Variants in BLTP3B observed in about 807,000 individuals in gnomAD.
The protein encoded by BLTP3B is bridge-like lipid transfer protein family member 3B, also known as UHRF1 (ICBP90) binding protein 1-like.
the BLTP3B span, chr12:100,084,378 TCACACACACACACACA>T: frequency 0.016 from 10,840 of 664,174 alleles, 317 homozygotes; most frequent in African/African-American, 0.11. Flanking sequence ...AATACTATGA[TCACACACACACACACA>T]CACACACACA....
At chr12:100,047,438 G>A in the BLTP3B span, 1 of 899,668 alleles carries the variant, frequency 1.1e-6, no homozygotes. Context: ...GCAGAGGTTT[G>A]CAGTAGGCTG....
At chr12:100,042,132 T>G in the BLTP3B span, among the ~76,000 whole-genome samples, 1 of 152,118 alleles carries the variant, frequency 6.6e-6, no homozygotes, top group East Asian at 1.9e-4. Flanking sequence ...TGGAAAAAAT[T>G]CCCACTGTTC....
the BLTP3B span, chr12:100,093,021 T>A: frequency 1.1e-6 from 1 of 931,430 alleles, no homozygotes; most frequent in Non-Finnish European, 1.3e-6. Flanking sequence ...ACTTAAAAAC[T>A]TCCACTGGCT....
the BLTP3B span, chr12:100,058,096 CAG>C: frequency 3.1e-6 from 5 of 1,609,506 alleles, no homozygotes; most frequent in South Asian, 1.1e-5. Context: ...TCCAGGTTTT[CAG>C]AGAGTGAAGC....
At chr12:100,113,477 T>C in the BLTP3B span, among the ~76,000 whole-genome samples, 24 of 152,010 alleles carry the variant, frequency 1.6e-4, no homozygotes, top group Non-Finnish European at 2.8e-4. Flanking sequence ...AAAAATCTCA[T>C]CTCAACAAGA....
chr12:100,057,955 A>G, the BLTP3B span: 10 of 1,487,294 alleles, frequency 6.7e-6, no homozygotes, highest in Non-Finnish European at 9.0e-6. Flanking sequence ...CTGCCTCAAA[A>G]CAAAATACAC....
chr12:100,058,677 G>A, the BLTP3B span: 2 of 1,613,898 alleles, frequency 1.2e-6, no homozygotes, highest in South Asian at 1.1e-5. Flanking sequence ...AGCCAGTTCT[G>A]CACTTCTAAG....
the BLTP3B span, among the ~76,000 whole-genome samples, chr12:100,068,084 C>T: frequency 6.6e-6 from 1 of 152,118 alleles, no homozygotes; most frequent in Admixed American, 6.6e-5. Flanking sequence ...CATCATATTA[C>T]CTGATTTCAA....
chr12:100,072,218 T>G, the BLTP3B span, among the ~76,000 whole-genome samples: 1 of 151,788 alleles, frequency 6.6e-6, no homozygotes, highest in Admixed American at 6.6e-5. Flanking sequence ...GCCGAGATCG[T>G]GCCACTGCAC....
chr12:100,080,129 C>T, the BLTP3B span, among the ~76,000 whole-genome samples: 2 of 152,166 alleles, frequency 1.3e-5, no homozygotes, highest in Non-Finnish European at 2.9e-5. Flanking sequence ...GGGTCAAAGC[C>T]CCCACACAAA....
chr12:100,055,577 T>G, the BLTP3B span, among the ~76,000 whole-genome samples: 15 of 149,112 alleles, frequency 1.0e-4, no homozygotes, highest in Non-Finnish European at 1.8e-4. Flanking sequence ...CTCGGGAGGC[T>G]GAGGCAGGAT....
At chr12:100,142,158 G>A in the BLTP3B span, among the ~76,000 whole-genome samples, 1 of 152,192 alleles carries the variant, frequency 6.6e-6, no homozygotes, top group African/African-American at 2.4e-5. Flanking sequence ...TGCGCCAGAA[G>A]CCCTCGGTTA....
At chr12:100,059,139 C>G in the BLTP3B span, 1 of 1,614,114 alleles carries the variant, frequency 6.2e-7, no homozygotes. Flanking sequence ...TATTGGCCGT[C>G]CTTTTCCACT....
the BLTP3B span, chr12:100,039,535 A>G: frequency 1.4e-6 from 2 of 1,420,282 alleles, no homozygotes; most frequent in African/African-American, 1.4e-5. Context: ...TTTAACTATT[A>G]GTATCTTAAT....
chr12:100,093,823 G>A, the BLTP3B span, among the ~76,000 whole-genome samples: 1 of 152,030 alleles, frequency 6.6e-6, no homozygotes, highest in Non-Finnish European at 1.5e-5. Flanking sequence ...TCCTAAAAAC[G>A]CTACTCTAGT....
At chr12:100,037,115 C>G in the BLTP3B span, 1 of 899,858 alleles carries the variant, frequency 1.1e-6, no homozygotes. Context: ...TCTGCTTGGA[C>G]TTTTTACAAT....
the BLTP3B span, among the ~76,000 whole-genome samples, chr12:100,112,784 C>T: frequency 1.4e-5 from 2 of 147,672 alleles, no homozygotes; most frequent in South Asian, 4.3e-4. Flanking sequence ...TGCCTGAACC[C>T]GGGAGGCGGA....
chr12:100,142,518 C>G, the BLTP3B span: 2 of 1,534,110 alleles, frequency 1.3e-6, no homozygotes, highest in Non-Finnish European at 1.8e-6. Flanking sequence ...GCCGCCGCCC[C>G]CGAAGCCGCA....
chr12:100,102,278 G>GT, the BLTP3B span, among the ~76,000 whole-genome samples: 1 of 151,756 alleles, frequency 6.6e-6, no homozygotes, highest in Non-Finnish European at 1.5e-5. Flanking sequence ...CCCAGCTAAA[G>GT]TTTTTTGTAT....
Sources: gnomAD v4.1 joint callset for allele counts (sites outside exome capture counted in the v4.1 genomes callset) on GRCh38, gnomAD v4.1.1 for gene constraint, MANE v1.5 for transcripts, NCBI Gene and HGNC (gene_info 2026-07-23, HGNC 2026-07-21) for gene names.